Variants in EPC1 observed in about 807,000 individuals in gnomAD.
EPC1 encodes the protein enhancer of polycomb 1.
In EPC1, 12 loss-of-function variants were observed where a neutral mutation model predicts 98.4. That is an observed-to-expected ratio of 0.12 (90% CI 0.08 to 0.20). The LOEUF (loss-of-function observed/expected upper bound fraction) is 0.20. Among genes scored for constraint, EPC1 ranks in the 10% least tolerant of loss-of-function variants. EPC1 has a pLI of 1.00. For synonymous variants in EPC1, 357 were observed against 363.9 expected (o/e 0.98, Z 0.21); for missense variants, 729 against 990.5 (o/e 0.74, Z 3.54).
Position 32,331,482 on chromosome 10 carries a change from T to G in EPC1, c.153+15281A>C, listed in dbSNP as rs114955262. 9.3e-3 allele frequency among the ~76,000 whole-genome samples: 1,418 copies of G among 151,876 alleles called. 19 individuals are homozygous for G. Among genetic ancestry groups the G allele is most frequent in the African/African-American group, 0.032 (1,330 of 41,434 alleles). On this transcript the variant is annotated intron_variant, in intron 1 of 13. Transcript: ENST00000319778. ...ATATACAAAAGTTTATAGAGTAAAA[T>G]AACTGGTTTTGATTTTATATCATCT...
intron 10 of EPC1, among the ~76,000 whole-genome samples, chr10:32,276,434 T>G (rs897390024): frequency 2.6e-5 from 4 of 152,092 alleles, no homozygotes; most frequent in Non-Finnish European, 1.5e-5. Flanking sequence ...ATCGCTCGAA[T>G]CCAGGAGGCA....
At chr10:32,316,458 A>G (rs1836552546) in intron 1 of EPC1, among the ~76,000 whole-genome samples, 1 of 152,238 alleles carries the variant, frequency 6.6e-6, no homozygotes, top group Admixed American at 6.5e-5. Context: ...AAACTGTGGT[A>G]AAGCCATACA....
At chr10:32,339,907 T>C (rs1838231196) in intron 1 of EPC1, among the ~76,000 whole-genome samples, 1 of 152,152 alleles carries the variant, frequency 6.6e-6, no homozygotes, top group Non-Finnish European at 1.5e-5. Flanking sequence ...TTCCTTAGGA[T>C]ACACAATTGC....
At chr10:32,299,384 C>T (rs1835359183) in intron 2 of EPC1, among the ~76,000 whole-genome samples, 1 of 152,064 alleles carries the variant, frequency 6.6e-6, no homozygotes, top group Admixed American at 6.6e-5. Context: ...TGGGATTTTA[C>T]CATGTTGGCC....
chr10:32,351,991 C>T (rs964416426), upstream of EPC1, among the ~76,000 whole-genome samples: 1 of 150,490 alleles, frequency 6.6e-6, no homozygotes, highest in Non-Finnish European at 1.5e-5. Flanking sequence ...CCACCTCGTC[C>T]TCCCAAAGTG....
chr10:32,372,720 C>T (rs1393056620), intron 1 of EPC1, among the ~76,000 whole-genome samples: 1 of 152,156 alleles, frequency 6.6e-6, no homozygotes, highest in Non-Finnish European at 1.5e-5. Context: ...TATCATAGAG[C>T]ACATTTAAAA....
At chr10:32,275,418 G>A (rs1303414768) in intron 10 of EPC1, among the ~76,000 whole-genome samples, 2 of 152,140 alleles carry the variant, frequency 1.3e-5, no homozygotes, top group African/African-American at 4.8e-5. Context: ...TGGATCACGA[G>A]GTCAGGAGTT....
chr10:32,290,393 G>C lies in EPC1; in HGVS notation c.975+770C>G, dbSNP rs141794342. On this transcript the variant is annotated intron_variant, in intron 6 of 13. Coordinates refer to ENST00000319778, the MANE Select transcript of EPC1 (RefSeq NM_001272004.3). ...CCCAGCTACTCGGGGAGGCGAGGCAGGAGAATCGCTTAAACTCGGGAGGTG... is the reference window on the plus strand; with the variant it reads ...CCCAGCTACTCGGGGAGGCGAGGCACGAGAATCGCTTAAACTCGGGAGGTG... Among the ~76,000 whole-genome samples the C allele has an allele frequency of 3.1e-3, 469 of 148,998 alleles. 5 individuals are homozygous for C. Among genetic ancestry groups the C allele is most frequent in the African/African-American group, 0.011 (445 of 40,272 alleles).
intron 1 of EPC1, among the ~76,000 whole-genome samples, chr10:32,369,008 A>G (rs1839677790): frequency 6.6e-6 from 1 of 152,240 alleles, no homozygotes; most frequent in African/African-American, 2.4e-5. Context: ...AAAGCCGTGT[A>G]CTTCAAGTGT....
At chr10:32,321,284 A>T (rs915680736) in intron 1 of EPC1, among the ~76,000 whole-genome samples, 1 of 152,194 alleles carries the variant, frequency 6.6e-6, no homozygotes, top group Non-Finnish European at 1.5e-5. Flanking sequence ...CTGTAGGGCC[A>T]GCGAATCTTA....
chr10:32,309,051 A>G (rs1719491230), intron 1 of EPC1, among the ~76,000 whole-genome samples: 2 of 152,200 alleles, frequency 1.3e-5, no homozygotes, highest in Non-Finnish European at 2.9e-5. Flanking sequence ...AAAATTTCGC[A>G]TATTCTCGCT....
In EPC1 at chr10:32,346,838, G is replaced by A. The variant is rs775356873; in HGVS notation, c.78C>T (p.Pro26=). Residue 26 remains proline, a synonymous_variant, in exon 1 of 14, where the codon CCC becomes CCT. Transcript: ENST00000319778. ...PLPVFRCEDL[P]DLHEYASINR... is the part of the protein sequence containing the mutation. ...TTATCGAGGCGTATTCGTGCAGGTC[G>A]GGCAGATCCTCACAGCGGAAAACCG... 1.2e-6 allele frequency: 2 copies of A among 1,614,054 alleles called. No homozygotes were observed. The highest frequency in any genetic ancestry group is 1.7e-6 in the Non-Finnish European group (2 of 1,180,022).
chr10:32,324,036 C>T (rs997981845), intron 1 of EPC1, among the ~76,000 whole-genome samples: 2 of 151,956 alleles, frequency 1.3e-5, no homozygotes, highest in African/African-American at 4.8e-5. Flanking sequence ...CCTAGGTTCA[C>T]GTCATTCTCC....
chr10:32,327,843 C>G (rs1013342347), intron 1 of EPC1, among the ~76,000 whole-genome samples: 4 of 152,110 alleles, frequency 2.6e-5, no homozygotes, highest in African/African-American at 9.7e-5. Context: ...TTGGGGGACA[C>G]CAGAGTCATG....
intron 1 of EPC1, among the ~76,000 whole-genome samples, chr10:32,341,848 T>C (rs868802649): frequency 4.6e-5 from 7 of 152,346 alleles, no homozygotes; most frequent in Middle Eastern, 6.8e-3. Flanking sequence ...GAACAGCTGA[T>C]CTTAACCCCT....
chr10:32,336,293 C>T (rs911070597), intron 1 of EPC1, among the ~76,000 whole-genome samples: 1 of 82,458 alleles, frequency 1.2e-5, no homozygotes, highest in African/African-American at 3.5e-5. Context: ...TGGTCTCGAA[C>T]TCCTGAGCTC....
chr10:32,346,971 C>T lies in EPC1; in HGVS notation c.-56G>A, dbSNP rs1342802336. 1 of 1,597,150 alleles carries T rather than the reference C, an allele frequency of 6.3e-7. No homozygotes were observed. Among genetic ancestry groups the T allele is most frequent in the Non-Finnish European group, 8.5e-7 (1 of 1,176,462 alleles). ...GGGAAACGGCCCCGGCCAGCGGGATCATGGAGAACCGGGGGTTCGGTCCCC... is the reference window on the plus strand; with the variant it reads ...GGGAAACGGCCCCGGCCAGCGGGATTATGGAGAACCGGGGGTTCGGTCCCC... On this transcript the variant is annotated 5_prime_UTR_variant, in exon 1 of 14. An upstream start codon of the reference 5' UTR is lost. Transcript: ENST00000319778.
At chr10:32,281,291 G>T (rs989168001) in intron 10 of EPC1, among the ~76,000 whole-genome samples, 1 of 152,122 alleles carries the variant, frequency 6.6e-6, no homozygotes, top group African/African-American at 2.4e-5. Context: ...CAATCTGCCT[G>T]CCTCGGCCTC....
intron 1 of EPC1, among the ~76,000 whole-genome samples, chr10:32,353,580 C>T (rs1839186275): frequency 6.6e-6 from 1 of 152,128 alleles, no homozygotes; most frequent in African/African-American, 2.4e-5. Flanking sequence ...CAAATGTTTA[C>T]TAAGAGCTAA....
Sources: gnomAD v4.1 joint callset for allele counts (sites outside exome capture counted in the v4.1 genomes callset) on GRCh38, gnomAD v4.1.1 for gene constraint, MANE v1.5 for transcripts, NCBI Gene and HGNC (gene_info 2026-07-23, HGNC 2026-07-21) for gene names.